The following BCAS1 variants were observed in gnomAD, a reference collection of about 807,000 sequenced individuals.
BCAS1 encodes the protein brain enriched myelin associated protein 1, also known as breast carcinoma-amplified sequence 1.
In BCAS1, 46 loss-of-function variants were observed where a neutral mutation model predicts 65.4. The ratio of observed to expected loss-of-function variants is 0.70; its 90% confidence interval spans 0.55 to 0.90. The LOEUF is 0.90. BCAS1 is among the 40% of genes least tolerant of loss of function. The probability of loss-of-function intolerance (pLI) is 0.00; values close to 1 mark genes in which losing one functional copy is unlikely to be tolerated. For missense variants in BCAS1, 793 were observed against 771.2 expected (o/e 1.03, Z -0.33); for synonymous variants, 298 against 293.5 (o/e 1.02, Z -0.16).
Position 53,944,717 on chromosome 20 carries a change from C to T in BCAS1, c.*205G>A, listed in dbSNP as rs1375053406. 1.7e-6 allele frequency: 1 copy of T among 586,884 alleles called. No individual in the cohort carries two copies. Among genetic ancestry groups the T allele is most frequent in the African/African-American group, 1.9e-5 (1 of 53,802 alleles). 36.4% of individuals were successfully genotyped at this position (586,884 alleles called of 1,614,324 possible). A position where few individuals can be genotyped will look rare whatever the true frequency, so the allele number is the denominator to read the frequency against. On this transcript the variant is annotated 3_prime_UTR_variant, in exon 13 of 13. Coordinates refer to ENST00000688948, the MANE Select transcript of BCAS1 (RefSeq NM_001366298.2). ...CCAACTAGGTGACCTGCTAAACCAT[C>T]TTTACTGTTATTTGCCAGAAAAGAC...
At chr20:53,975,314 A>G in intron 9 of BCAS1, 75 bp downstream of exon 9, 1 of 1,351,166 alleles carries the variant, frequency 7.4e-7, no homozygotes, top group East Asian at 2.3e-5. Flanking sequence ...AGGACCCCAG[A>G]GCTGAAAATG....
intron 7 of BCAS1, among the ~76,000 whole-genome samples, chr20:53,989,932 G>T (rs1019010510): frequency 4.6e-5 from 7 of 152,120 alleles, no homozygotes; most frequent in African/African-American, 1.7e-4. Context: ...GTTATTTCTT[G>T]TTTATCAAAA....
At chr20:54,009,980 A>G (rs1285137408) in intron 4 of BCAS1, among the ~76,000 whole-genome samples, 1 of 152,210 alleles carries the variant, frequency 6.6e-6, no homozygotes, top group Non-Finnish European at 1.5e-5. Context: ...GAAAAATCAC[A>G]TGATCACAAC....
chr20:54,043,713 G>A (rs187826592), intron 3 of BCAS1, among the ~76,000 whole-genome samples: 159 of 152,294 alleles, frequency 1.0e-3, no homozygotes, highest in Admixed American at 1.8e-3. Flanking sequence ...CCACCCCCAG[G>A]GAAGGGGGTG....
At chr20:54,019,689 G>C (rs953113473) in intron 4 of BCAS1, among the ~76,000 whole-genome samples, 10 of 152,186 alleles carry the variant, frequency 6.6e-5, no homozygotes, top group Admixed American at 2.0e-4. Context: ...GAACAAAGCA[G>C]GTGGAAGAAG....
intron 11 of BCAS1, among the ~76,000 whole-genome samples, chr20:53,954,097 T>C (rs960059283): frequency 1.3e-5 from 2 of 152,180 alleles, no homozygotes; most frequent in African/African-American, 4.8e-5. Context: ...CCAGCTGTGA[T>C]TGGCTCAGCA....
At chr20:53,984,652 G>A (rs2090566186) in intron 8 of BCAS1, among the ~76,000 whole-genome samples, 1 of 152,220 alleles carries the variant, frequency 6.6e-6, no homozygotes. Context: ...ATGTGTAGCA[G>A]CTGGGGCTTG....
intron 1 of BCAS1, among the ~76,000 whole-genome samples, chr20:54,068,905 T>C (rs1392110825): frequency 6.6e-6 from 1 of 151,944 alleles, no homozygotes; most frequent in Non-Finnish European, 1.5e-5. Flanking sequence ...TTTCAATTCC[T>C]CTCCCTCCAC....
At chr20:53,985,609 TTTC>T (rs2090597902) in intron 7 of BCAS1, 110 bp from the exon 8 acceptor site, 2 of 947,888 alleles carry the variant, frequency 2.1e-6, no homozygotes, top group Non-Finnish European at 1.5e-6. Context: ...TAATGTTAAT[TTTC>T]TTCTTTATAT....
At chr20:54,054,094 T>C (rs2092260157) in intron 3 of BCAS1, among the ~76,000 whole-genome samples, 1 of 152,178 alleles carries the variant, frequency 6.6e-6, no homozygotes, top group Non-Finnish European at 1.5e-5. Context: ...CTCCCTTTTA[T>C]AAAACCATCA....
At position 53,965,946 on chromosome 20, in the gene BCAS1, G is replaced by A. The variant is rs533251487; in HGVS notation, c.1485+960C>T. On this transcript the variant is annotated intron_variant, in intron 10 of 12. Transcript: ENST00000688948. ...TGCTGTTGTATGCCAAAATTTGGAC[G>A]CAACCACAATTAAAAGGCCGAAAAA... Among the ~76,000 whole-genome samples the A allele has an allele frequency of 9.2e-5, 14 of 151,968 alleles. No homozygotes were observed. In the South Asian group the frequency reaches 1.0e-3, roughly 11 times the overall value.
chr20:54,035,416 A>AG (rs1423717400), intron 3 of BCAS1, among the ~76,000 whole-genome samples: 1 of 150,098 alleles, frequency 6.7e-6, no homozygotes, highest in African/African-American at 2.4e-5. Flanking sequence ...AAAAAAAAAA[A>AG]AAAAGAAGAC....
chr20:53,951,827 T>C (rs939867867), intron 12 of BCAS1, among the ~76,000 whole-genome samples: 9 of 152,200 alleles, frequency 5.9e-5, no homozygotes, highest in African/African-American at 2.2e-4. Flanking sequence ...AAGGACTACA[T>C]GATTAGTTTG....
intron 1 of BCAS1, among the ~76,000 whole-genome samples, chr20:54,066,390 G>T (rs1456946922): frequency 6.6e-6 from 1 of 152,120 alleles, no homozygotes; most frequent in African/African-American, 2.4e-5. Context: ...TATTTTTATT[G>T]TCCCCATTTT....
At chr20:53,974,325 A>C (rs1265438573) in intron 9 of BCAS1, among the ~76,000 whole-genome samples, 1 of 152,172 alleles carries the variant, frequency 6.6e-6, no homozygotes, top group Non-Finnish European at 1.5e-5. Context: ...GCCACCTTTA[A>C]GAGCTGTAAC....
intron 3 of BCAS1, among the ~76,000 whole-genome samples, chr20:54,035,070 C>A (rs2091873402): frequency 2.0e-5 from 3 of 151,200 alleles, no homozygotes; most frequent in Non-Finnish European, 4.4e-5. Context: ...GCTGGGATAA[C>A]CGGCTAGCTG....
chr20:53,994,285 C>A (rs904114276), intron 6 of BCAS1, among the ~76,000 whole-genome samples: 3 of 152,184 alleles, frequency 2.0e-5, no homozygotes, highest in Admixed American at 2.0e-4. Flanking sequence ...AAACTTAAAC[C>A]GTGTATTCCA....
intron 9 of BCAS1, among the ~76,000 whole-genome samples, chr20:53,970,177 T>C (rs1036483845): frequency 2.6e-5 from 4 of 152,206 alleles, no homozygotes; most frequent in Admixed American, 2.6e-4. Context: ...TCAATTCTAT[T>C]TGGATGCCAG....
chr20:53,981,947 GT>G (rs2090493351), intron 8 of BCAS1, among the ~76,000 whole-genome samples: 1 of 152,164 alleles, frequency 6.6e-6, no homozygotes, highest in South Asian at 2.1e-4. Flanking sequence ...ACACGTGGGT[GT>G]TTAGTCATGA....
Sources: allele counts gnomAD v4.1 joint callset (sites outside exome capture counted in the v4.1 genomes callset), GRCh38; gene constraint gnomAD v4.1.1; transcripts MANE v1.5; gene names NCBI Gene and HGNC (gene_info 2026-07-23, HGNC 2026-07-21).